MYO5B: variants seen among roughly 807,000 people sequenced by gnomAD.
MYO5B encodes myosin VB, also known as unconventional myosin-Vb.
MYO5B carries 143 observed loss-of-function variants against 229.3 expected under a neutral mutation model. The observed-to-expected ratio is 0.62, with a 90% CI of 0.54 to 0.72. The LOEUF (loss-of-function observed/expected upper bound fraction) is 0.72. Among genes scored for constraint, MYO5B ranks in the 30% least tolerant of loss-of-function variants. The pLI, the probability that MYO5B is intolerant of heterozygous loss-of-function variation, is 0.00. For synonymous variants in MYO5B, 918 were observed against 885.2 expected (o/e 1.04, Z -0.66); for missense variants, 2,321 against 2,331.0 (o/e 1.00, Z 0.09).
intron 1 of MYO5B, among the ~76,000 whole-genome samples, chr18:50,143,388 GC>G (rs1301486594): frequency 3.3e-5 from 5 of 152,114 alleles, no homozygotes; most frequent in Non-Finnish European, 5.9e-5. Flanking sequence ...GACCCAGGAG[GC>G]CCCCCTCAGT....
At chr18:50,122,992 T>C (rs983660171) in intron 1 of MYO5B, among the ~76,000 whole-genome samples, 30 of 152,058 alleles carry the variant, frequency 2.0e-4, no homozygotes, top group Non-Finnish European at 3.8e-4. Context: ...TAACTGAAAA[T>C]AGGTACTGAA....
At chr18:50,013,852 G>A (rs914688635) in intron 4 of MYO5B, among the ~76,000 whole-genome samples, 2 of 152,152 alleles carry the variant, frequency 1.3e-5, no homozygotes, top group African/African-American at 4.8e-5. Context: ...CCAAAGCTTG[G>A]GTTTCCCTGG....
chr18:50,113,023 C>T (rs1037420341), intron 1 of MYO5B, among the ~76,000 whole-genome samples: 5 of 152,152 alleles, frequency 3.3e-5, no homozygotes, highest in Non-Finnish European at 7.3e-5. Context: ...ATAAATAACG[C>T]ACAATTAGAA....
chr18:49,955,812 A>G (rs180979209), intron 12 of MYO5B, among the ~76,000 whole-genome samples: 14 of 152,348 alleles, frequency 9.2e-5, no homozygotes, highest in African/African-American at 3.4e-4. Flanking sequence ...TTCTGTGTTT[A>G]GAACCACCGG....
At chr18:50,184,247 G>A (rs989388731) in intron 1 of MYO5B, among the ~76,000 whole-genome samples, 2 of 152,118 alleles carry the variant, frequency 1.3e-5, no homozygotes, top group Admixed American at 6.5e-5. Flanking sequence ...ACGTGGGGCT[G>A]GGTGTGGTAG....
At chr18:50,136,078 C>A (rs80112052) in intron 1 of MYO5B, among the ~76,000 whole-genome samples, 1 of 152,212 alleles carries the variant, frequency 6.6e-6, no homozygotes, top group Non-Finnish European at 1.5e-5. Flanking sequence ...CATTCTTCCA[C>A]GGTATCACAC....
chr18:50,137,133 A>T (rs1211733222), intron 1 of MYO5B, among the ~76,000 whole-genome samples: 3 of 152,242 alleles, frequency 2.0e-5, no homozygotes, highest in African/African-American at 7.2e-5. Flanking sequence ...AAGCATTGCA[A>T]AAAGAACAGT....
intron 1 of MYO5B, among the ~76,000 whole-genome samples, chr18:50,106,559 C>T (rs2031763810): frequency 6.6e-6 from 1 of 152,174 alleles, no homozygotes; most frequent in African/African-American, 2.4e-5. Flanking sequence ...ATTGCTAGGC[C>T]TTTACAGTAT....
chr18:50,169,445 G>A (rs2032896806), intron 1 of MYO5B, among the ~76,000 whole-genome samples: 2 of 127,626 alleles, frequency 1.6e-5, no homozygotes, highest in African/African-American at 5.9e-5. Context: ...ACCACCACCA[G>A]TAACAGGACA....
intron 4 of MYO5B, among the ~76,000 whole-genome samples, chr18:50,002,170 T>C (rs1398217406): frequency 1.3e-5 from 2 of 152,236 alleles, no homozygotes; most frequent in African/African-American, 4.8e-5. Context: ...CTTCTCCTCC[T>C]GCATTTGAGC....
intron 5 of MYO5B, among the ~76,000 whole-genome samples, chr18:49,996,331 T>C (rs749137243): frequency 6.6e-6 from 1 of 152,214 alleles, no homozygotes; most frequent in African/African-American, 2.4e-5. Context: ...AGGTGTTACT[T>C]AGAGAAATTC....
intron 4 of MYO5B, among the ~76,000 whole-genome samples, chr18:50,024,799 G>C (rs2026313153): frequency 6.6e-6 from 1 of 152,144 alleles, no homozygotes; most frequent in Non-Finnish European, 1.5e-5. Context: ...GACTTCCCGA[G>C]TATCTGCTGT....
At chr18:50,161,852 G>A (rs113916322) in intron 1 of MYO5B, among the ~76,000 whole-genome samples, 2 of 152,354 alleles carry the variant, frequency 1.3e-5, no homozygotes, top group African/African-American at 4.8e-5. Context: ...AAAGGCAGAG[G>A]GAGAAAGCTG....
At position 49,906,628 on chromosome 18, in the gene MYO5B, G is replaced by A. The variant is rs2024903053; in HGVS notation, c.2205C>T (p.Asp735=). 3.1e-6 allele frequency: 5 copies of A among 1,613,632 alleles called. No homozygotes were observed. The highest frequency in any genetic ancestry group is 4.2e-6 in the Non-Finnish European group (5 of 1,179,726). ...CRSVLENLIK[D]PDKFQFGRTK... ...TGCGGCCAAACTGGAACTTGTCGGG[G>A]TCCTTTACAAGGTAGGGAGGGGATC... Residue 735 remains aspartate (D), a splice_region_variant and synonymous_variant, in exon 19 of 40, where the codon GAC becomes GAT. Coordinates refer to ENST00000285039, the MANE Select transcript of MYO5B (RefSeq NM_001080467.3).
intron 2 of MYO5B, among the ~76,000 whole-genome samples, chr18:50,043,272 A>G (rs1458521730): frequency 3.9e-5 from 4 of 102,784 alleles, no homozygotes; most frequent in Non-Finnish European, 7.7e-5. Flanking sequence ...ATATTTATAA[A>G]TATATTTATA....
intron 10 of MYO5B, among the ~76,000 whole-genome samples, chr18:49,964,945 G>C (rs1248545725): frequency 6.6e-6 from 1 of 152,224 alleles, no homozygotes; most frequent in African/African-American, 2.4e-5. Context: ...GCTACGCCAA[G>C]GGGTCTGGAA....
intron 4 of MYO5B, among the ~76,000 whole-genome samples, chr18:50,033,833 C>G (rs1815933): frequency 0.98 from 148,793 of 152,180 alleles, 72,836 homozygotes; most frequent in East Asian, 1. Flanking sequence ...CAGAGATAGG[C>G]ACAGTGAACA....
At chr18:50,193,273 C>A (rs1057381421) in intron 1 of MYO5B, among the ~76,000 whole-genome samples, 1 of 152,210 alleles carries the variant, frequency 6.6e-6, no homozygotes, top group Admixed American at 6.5e-5. Flanking sequence ...TGGCTCCCAC[C>A]TCCTCCCCTC....
intron 1 of MYO5B, among the ~76,000 whole-genome samples, chr18:50,147,266 A>G (rs1599056472): frequency 6.6e-6 from 1 of 151,804 alleles, no homozygotes; most frequent in East Asian, 1.9e-4. Flanking sequence ...CCTAGGAGTC[A>G]CCCTTAGCTC....
Sources: allele counts gnomAD v4.1 joint callset (sites outside exome capture counted in the v4.1 genomes callset), GRCh38; gene constraint gnomAD v4.1.1; transcripts MANE v1.5; gene names NCBI Gene and HGNC (gene_info 2026-07-23, HGNC 2026-07-21).